The following KCNJ15 variants were observed in gnomAD, a reference collection of about 807,000 sequenced individuals.
KCNJ15 encodes ATP-sensitive inward rectifier potassium channel 15.
KCNJ15 carries 14 observed loss-of-function variants against 23.0 expected under a neutral mutation model. The ratio of observed to expected loss-of-function variants is 0.61; its 90% CI spans 0.40 to 0.95. The LOEUF (loss-of-function observed/expected upper bound fraction) is 0.95, where lower values mean the gene tolerates loss of function less well. Ranked by LOEUF, KCNJ15 falls within the 40% of genes least tolerant of loss-of-function variation. The pLI is 0.00. For missense variants in KCNJ15, 388 were observed against 461.8 expected (o/e 0.84, Z 1.46); for synonymous variants, 185 against 183.2 (o/e 1.01, Z -0.08).
chr21:38,307,002 C>G lies in KCNJ15; in HGVS notation c.*6613C>G, dbSNP rs1986080185. On this transcript the variant is annotated 3_prime_UTR_variant, in exon 3 of 3. Transcript: ENST00000398938. ...GCTATATATAGAACCACATCTGATC[C>G]TTATACAGTGTTGCAAGATATATGT... 1 of 152,122 alleles carries G rather than the reference C, an allele frequency of 6.6e-6. No homozygotes were observed. The highest frequency in any genetic ancestry group is 1.5e-5 in the Non-Finnish European group (1 of 68,028). 9.4% of individuals were successfully genotyped at this position (152,122 alleles called of 1,614,324 possible).
At chr21:38,271,166 G>A (rs1982038326) in intron 1 of KCNJ15, among the ~76,000 whole-genome samples, 1 of 152,222 alleles carries the variant, frequency 6.6e-6, no homozygotes, top group Non-Finnish European at 1.5e-5. Flanking sequence ...AATAAGCCCC[G>A]AATAGAGTCT....
Position 38,299,143 on chromosome 21 carries a change from G to C in KCNJ15, c.-18-101G>C. The C allele has an allele frequency of 1.1e-6, 1 of 907,376 alleles. No homozygotes were observed. 56.2% of individuals were successfully genotyped at this position (907,376 alleles called of 1,614,324 possible). A position where few individuals can be genotyped will look rare whatever the true frequency, so the allele number is the denominator to read the frequency against. On this transcript the variant is annotated intron_variant, in intron 2 of 2. Coordinates refer to ENST00000398938, the MANE Select transcript of KCNJ15 (RefSeq NM_170736.3). This position sits in a 1 kb window ranked among gnomAD's most constrained non-coding sequence, Gnocchi z 4.5. ...TGCCTTCAGAATTCTCCTTTCTTGT[G>C]TACTTCCATGTACATTCATACTTAC...
chr21:38,252,833 G>A (rs1027028645), upstream of KCNJ15, among the ~76,000 whole-genome samples: 9 of 152,186 alleles, frequency 5.9e-5, no homozygotes, highest in Admixed American at 5.2e-4. Flanking sequence ...CCCAAGCCCT[G>A]TGAATGTTCT....
intron 1 of KCNJ15, chr21:38,272,693 T>C (rs1487473796): frequency 2.0e-5 from 3 of 152,206 alleles, no homozygotes; most frequent in Admixed American, 1.3e-4. Flanking sequence ...GGCATGACTT[T>C]TCCCCATTAT....
At chr21:38,252,072 C>T (rs1001423893), upstream of KCNJ15, among the ~76,000 whole-genome samples, 3 of 152,134 alleles carry the variant, frequency 2.0e-5, no homozygotes, top group East Asian at 1.9e-4. Context: ...GGGAGACAGG[C>T]GATTCTATAA....
At chr21:38,233,866 TA>T (rs1194109607) in intron 1 of KCNJ15, among the ~76,000 whole-genome samples, 1 of 152,132 alleles carries the variant, frequency 6.6e-6, no homozygotes. Context: ...ATTACCTATA[TA>T]TATGTAACGA....
chr21:38,304,540 A>G lies in KCNJ15; in HGVS notation c.*4151A>G, dbSNP rs1985976153. Reference sequence around the variant, plus strand: ...TCTGATTGTTAAACTCTGGGTAGGTACAAGAGGCTCTTAATTTTCTTCCTC... The same window carrying G: ...TCTGATTGTTAAACTCTGGGTAGGTGCAAGAGGCTCTTAATTTTCTTCCTC... On this transcript the variant is annotated 3_prime_UTR_variant, in exon 3 of 3. Coordinates refer to ENST00000398938, the MANE Select transcript of KCNJ15 (RefSeq NM_170736.3). The G allele has an allele frequency of 6.6e-6, 1 of 151,760 alleles. No individual in the cohort carries two copies. The highest frequency in any genetic ancestry group is 2.4e-5 in the African/African-American group (1 of 41,304). The allele number at this position is 151,760 out of a possible 1,614,324, so 9.4% of individuals were successfully genotyped here.
At chr21:38,271,319 GT>G (rs1214061585) in intron 1 of KCNJ15, among the ~76,000 whole-genome samples, 1 of 152,196 alleles carries the variant, frequency 6.6e-6, no homozygotes, top group East Asian at 1.9e-4. Flanking sequence ...TTTGCCGGAG[GT>G]TTTGCAGGAC....
chr21:38,238,123 G>A (rs1304445453), intron 1 of KCNJ15: 2 of 359,650 alleles, frequency 5.6e-6, no homozygotes, highest in Middle Eastern at 9.0e-4. Flanking sequence ...CTGGTGGCAG[G>A]GTGCTCAGGG....
At chr21:38,258,399 C>T (rs1215495937) in intron 1 of KCNJ15, among the ~76,000 whole-genome samples, 2 of 152,180 alleles carry the variant, frequency 1.3e-5, no homozygotes, top group East Asian at 3.8e-4. Context: ...AAGCACTTAC[C>T]TCACACACAG....
rs1569025717 is a variant in KCNJ15 at position 38,301,965 on chromosome 21, C to CGCACACACACACATGCACACACGCGCGT, written c.*1589_*1590insTGCACACACGCGCGTGCACACACACACA. The CGCACACACACACATGCACACACGCGCGT allele has an allele frequency of 5.7e-5, 9 of 157,730 alleles. No homozygotes were observed. Among genetic ancestry groups the CGCACACACACACATGCACACACGCGCGT allele is most frequent in the African/African-American group, 2.2e-4 (9 of 41,214 alleles). The allele number at this position is 157,730 out of a possible 1,614,324, so 9.8% of individuals were successfully genotyped here. ...CACCAAGCACACACACAGTCACACA[C>CGCACACACACACATGCACACACGCGCGT]GCACACACACACACATGCACACACG... On this transcript the variant is annotated 3_prime_UTR_variant, in exon 3 of 3. Coordinates refer to ENST00000398938, the MANE Select transcript of KCNJ15 (RefSeq NM_170736.3).
upstream of KCNJ15, among the ~76,000 whole-genome samples, chr21:38,253,755 G>C (rs902992539): frequency 6.6e-6 from 1 of 151,804 alleles, no homozygotes; most frequent in Non-Finnish European, 1.5e-5. Context: ...TGGTTCTTGT[G>C]AACTCTTCTG....
chr21:38,260,912 C>T lies in KCNJ15; in HGVS notation c.-117+3727C>T, dbSNP rs368429629. Among the ~76,000 whole-genome samples, 11 of 152,180 alleles carry T rather than the reference C, an allele frequency of 7.2e-5. No homozygotes were observed. The East Asian group carries it at 7.7e-4, about 11-fold the overall frequency. On this transcript the variant is annotated intron_variant, in intron 1 of 2. Coordinates refer to ENST00000398938, the MANE Select transcript of KCNJ15 (RefSeq NM_170736.3). Reference sequence around the variant, plus strand: ...ATAGAACCAGCCAAGCAGGGCCTCTCGTAGTAGCCTGACCAGAAGTCACAG... The same window carrying T: ...ATAGAACCAGCCAAGCAGGGCCTCTTGTAGTAGCCTGACCAGAAGTCACAG...
Position 38,302,578 on chromosome 21 carries a change from C to G in KCNJ15, c.*2189C>G, listed in dbSNP as rs71316636. ...ACATGTCAGTGTAGTTAGATATTAT[C>G]TCTTTTAGTTATTATACTTGCTATT... On this transcript the variant is annotated 3_prime_UTR_variant, in exon 3 of 3. Transcript: ENST00000398938. 6.6e-6 allele frequency: 1 copy of G among 152,062 alleles called. No individual in the cohort carries two copies. Among genetic ancestry groups the G allele is most frequent in the Non-Finnish European group, 1.5e-5 (1 of 68,004 alleles). The allele number at this position is 152,062 out of a possible 1,614,324, so 9.4% of individuals were successfully genotyped here. A position where few individuals can be genotyped will look rare whatever the true frequency, so the allele number is the denominator to read the frequency against.
At chr21:38,270,946 G>A (rs1030041321) in intron 1 of KCNJ15, among the ~76,000 whole-genome samples, 1 of 152,206 alleles carries the variant, frequency 6.6e-6, no homozygotes, top group African/African-American at 2.4e-5. Flanking sequence ...ATATGCAGCA[G>A]ATAGGCATAC....
At chr21:38,250,883 GTGGGTCTTGGAGTGT>G (rs2123579200) in intron 1 of KCNJ15, among the ~76,000 whole-genome samples, 1 of 152,278 alleles carries the variant, frequency 6.6e-6, no homozygotes, top group South Asian at 2.1e-4. Context: ...ATATTGTAAA[GTGGGTCTTGGAGTGT>G]TGGGTTCAAA....
chr21:38,247,622 A>G (rs1979535056), intron 1 of KCNJ15, among the ~76,000 whole-genome samples: 7 of 152,320 alleles, frequency 4.6e-5, no homozygotes, highest in Admixed American at 3.9e-4. Context: ...ATGTAGGTAG[A>G]TGGATGGATT....
At chr21:38,231,416 C>G (rs1468393752) in intron 1 of KCNJ15, among the ~76,000 whole-genome samples, 1 of 151,782 alleles carries the variant, frequency 6.6e-6, no homozygotes, top group Non-Finnish European at 1.5e-5. Flanking sequence ...TTTTTGCAAT[C>G]TTAATTTTTA....
At chr21:38,258,527 G>A (rs1980525636) in intron 1 of KCNJ15, among the ~76,000 whole-genome samples, 1 of 152,174 alleles carries the variant, frequency 6.6e-6, no homozygotes, top group Non-Finnish European at 1.5e-5. Context: ...GAGGCCACAA[G>A]GCAAGTCTTC....
Sources: gnomAD v4.1 joint callset for allele counts (sites outside exome capture counted in the v4.1 genomes callset) on GRCh38, gnomAD v4.1.1 for gene constraint, Gnocchi (gnomAD v3.1) non-coding constraint, MANE v1.5 for transcripts, NCBI Gene and HGNC (gene_info 2026-07-23, HGNC 2026-07-21) for gene names.